TMEM132B: variants seen among roughly 807,000 people sequenced by gnomAD.
TMEM132B encodes the protein transmembrane protein 132B.
In TMEM132B, 18 loss-of-function variants were observed where a neutral mutation model predicts 90.8. The ratio of observed to expected loss-of-function variants is 0.20; its 90% CI spans 0.14 to 0.29. The LOEUF (loss-of-function observed/expected upper bound fraction) is 0.29, where lower values mean the gene tolerates loss of function less well. TMEM132B is among the 10% of genes least tolerant of loss of function. TMEM132B has a pLI of 1.00. For missense variants in TMEM132B, 1,096 were observed against 1,326.8 expected (o/e 0.83, Z 2.70); for synonymous variants, 504 against 523.3 (o/e 0.96, Z 0.50).
In TMEM132B at chr12:125,598,128, C is replaced by A. The variant is rs555035476; in HGVS notation, c.1437+14134C>A. Among the ~76,000 whole-genome samples, 4 of 152,210 alleles carry A rather than the reference C, an allele frequency of 2.6e-5. No homozygotes were observed. In the East Asian group the frequency reaches 5.8e-4, roughly 22 times the overall value. On this transcript the variant is annotated intron_variant, in intron 5 of 8. Transcript: ENST00000682704. ...TTTGATCAGAACCCTAGAAGGAAAC[C>A]CTGGCCCTCTAGAAATGTCGATAGC...
At position 125,242,128 on chromosome 12, in the gene TMEM132B, A is replaced by G. The variant is rs185390084; in HGVS notation, c.67+55262A>G. On this transcript the variant is annotated intron_variant, in intron 1 of 8. Transcript: ENST00000682704. ...CCTTTTTAATCCTCACATCATCTCCATGAACCCAGTCCTAGTATCACCCCC... is the reference window on the plus strand; with the variant it reads ...CCTTTTTAATCCTCACATCATCTCCGTGAACCCAGTCCTAGTATCACCCCC... Among the ~76,000 whole-genome samples, 57 of 152,294 alleles carry G rather than the reference A, an allele frequency of 3.7e-4. No homozygotes were observed. The South Asian group carries it at 5.6e-3, about 15-fold the overall frequency.
intron 1 of TMEM132B, among the ~76,000 whole-genome samples, chr12:125,299,879 G>T (rs1410107708): frequency 1.3e-5 from 2 of 152,342 alleles, no homozygotes; most frequent in Middle Eastern, 3.4e-3. Context: ...CACAGAGCTT[G>T]TGGGGTTCTG....
Position 125,251,654 on chromosome 12 carries a change from C to T in TMEM132B, c.67+64788C>T, listed in dbSNP as rs7316633. ...TCGGGGCTGCTGAGACAATAGGGAA[C>T]GGTGTGGACTCTGGCAAACTGGAGA... On this transcript the variant is annotated intron_variant, in intron 1 of 8. Transcript: ENST00000682704. This position sits in a 1 kb window ranked among gnomAD's most constrained non-coding sequence, Gnocchi z 4.4. Among the ~76,000 whole-genome samples, 145,036 of 152,234 alleles carry T rather than the reference C, an allele frequency of 0.95. 69,185 individuals are homozygous for T. The highest frequency in any genetic ancestry group is 1 in the East Asian group (5,183 of 5,184).
intron 4 of TMEM132B, among the ~76,000 whole-genome samples, chr12:125,581,461 G>C (rs1256693511): frequency 6.6e-6 from 1 of 152,104 alleles, no homozygotes; most frequent in Non-Finnish European, 1.5e-5. Context: ...CTTTGTTTGG[G>C]CTTCACTTGA....
intron 2 of TMEM132B, among the ~76,000 whole-genome samples, chr12:125,404,869 T>C (rs1452940643): frequency 6.6e-6 from 1 of 152,220 alleles, no homozygotes; most frequent in Non-Finnish European, 1.5e-5. Context: ...AGAATTTATT[T>C]ATTTTTATTT....
At chr12:125,566,832 CTTCTT>C (rs1884668368) in intron 4 of TMEM132B, among the ~76,000 whole-genome samples, 2 of 114,620 alleles carry the variant, frequency 1.7e-5, no homozygotes, top group East Asian at 2.8e-4. Context: ...TCCTCTTCTT[CTTCTT>C]TTTTTTTTTT....
intron 2 of TMEM132B, among the ~76,000 whole-genome samples, chr12:125,362,752 C>G (rs1444085552): frequency 6.6e-6 from 1 of 152,178 alleles, no homozygotes; most frequent in Non-Finnish European, 1.5e-5. Context: ...TCATCTATGA[C>G]TTTTTAAAAC....
chr12:125,639,314 C>A (rs1053222328), intron 5 of TMEM132B, among the ~76,000 whole-genome samples: 3 of 152,222 alleles, frequency 2.0e-5, no homozygotes, highest in African/African-American at 7.2e-5. Context: ...AAATCACTTT[C>A]ACTTTTCTTA....
At chr12:125,372,478 CTT>C (rs1878326433) in intron 2 of TMEM132B, among the ~76,000 whole-genome samples, 1 of 152,176 alleles carries the variant, frequency 6.6e-6, no homozygotes, top group Non-Finnish European at 1.5e-5. Flanking sequence ...TCTTCCAGTT[CTT>C]ATGCCCTATT....
chr12:125,535,292 G>C (rs142537595), intron 4 of TMEM132B, among the ~76,000 whole-genome samples: 76 of 152,208 alleles, frequency 5.0e-4, no homozygotes, highest in African/African-American at 1.7e-3. Context: ...TTTTCATTCT[G>C]TTAGTCTCAC....
At chr12:125,559,195 C>T (rs1884462118) in intron 4 of TMEM132B, among the ~76,000 whole-genome samples, 1 of 152,022 alleles carries the variant, frequency 6.6e-6, no homozygotes, top group African/African-American at 2.4e-5. Context: ...GTGAGACCCT[C>T]TCTCTACAAA....
rs79469599 is a variant in TMEM132B, at chr12:125,653,517, G to T, written c.2107-48G>T. The stretch of plus-strand genomic sequence containing the variant: ...GGAAATTATACTTATGTTTTCAAAT[G>T]TGAAGGAATCTGATTATAACATAAT... On this transcript the variant is annotated intron_variant, in intron 8 of 8. Coordinates refer to ENST00000682704, the MANE Select transcript of TMEM132B (RefSeq NM_001366854.1). 1.3e-4 allele frequency: 198 copies of T among 1,531,066 alleles called. 1 individual carries two copies. The African/African-American group carries it at 2.5e-3, about 19-fold the overall frequency. 94.8% of individuals were successfully genotyped at this position (1,531,066 alleles called of 1,614,324 possible). A position where few individuals can be genotyped will look rare whatever the true frequency, so the allele number is the denominator to read the frequency against.
intron 1 of TMEM132B, among the ~76,000 whole-genome samples, chr12:125,269,483 C>G (rs942275585): frequency 6.6e-6 from 1 of 152,206 alleles, no homozygotes; most frequent in Non-Finnish European, 1.5e-5. Flanking sequence ...TGGTAATTAG[C>G]TCTTTACCTG....
At chr12:125,444,817 G>A (rs1398108745) in intron 3 of TMEM132B, among the ~76,000 whole-genome samples, 2 of 152,112 alleles carry the variant, frequency 1.3e-5, no homozygotes, top group African/African-American at 2.4e-5. Context: ...AATCTGGTGG[G>A]CCTGATTGAT....
intron 1 of TMEM132B, among the ~76,000 whole-genome samples, chr12:125,212,537 A>T (rs1484062802): frequency 6.6e-6 from 1 of 152,086 alleles, no homozygotes; most frequent in Non-Finnish European, 1.5e-5. Context: ...TACTAAAAAT[A>T]CAAAAAATTA....
chr12:125,300,050 G>A (rs1225339408), intron 1 of TMEM132B, among the ~76,000 whole-genome samples: 1 of 152,206 alleles, frequency 6.6e-6, no homozygotes, highest in East Asian at 1.9e-4. Flanking sequence ...CCGCCACGGG[G>A]GCTTTGCACT....
At position 125,277,914 on chromosome 12, in the gene TMEM132B, C is replaced by T. The variant is rs1475976609; in HGVS notation, c.68-71538C>T. Among the ~76,000 whole-genome samples, 3 of 152,170 alleles carry T rather than the reference C, an allele frequency of 2.0e-5. No homozygotes were observed. The highest frequency in any genetic ancestry group is 4.4e-5 in the Non-Finnish European group (3 of 68,036). ...CTATTCACAGAGGGCCAGCATTCTC[C>T]GATGGGAAAAGTCTGGAACTCTGCA... On this transcript the variant is annotated intron_variant, in intron 1 of 8. Coordinates refer to ENST00000682704, the MANE Select transcript of TMEM132B (RefSeq NM_001366854.1). This position sits in a 1 kb window ranked among gnomAD's most constrained non-coding sequence, Gnocchi z 4.3.
intron 1 of TMEM132B, among the ~76,000 whole-genome samples, chr12:125,267,492 G>A (rs1300721621): frequency 1.3e-5 from 2 of 152,190 alleles, no homozygotes; most frequent in Non-Finnish European, 1.5e-5. Context: ...AAAGGAAGAA[G>A]GGGAGAAAGG....
At chr12:125,611,713 CAA>C (rs1021091910) in intron 5 of TMEM132B, among the ~76,000 whole-genome samples, 6 of 151,946 alleles carry the variant, frequency 3.9e-5, no homozygotes, top group Non-Finnish European at 8.8e-5. Flanking sequence ...GTTAATTTCT[CAA>C]GTTTATTTAT....
Sources: allele counts gnomAD v4.1 joint callset (sites outside exome capture counted in the v4.1 genomes callset), GRCh38; gene constraint gnomAD v4.1.1; non-coding constraint Gnocchi (gnomAD v3.1); transcripts MANE v1.5; gene names NCBI Gene and HGNC (gene_info 2026-07-23, HGNC 2026-07-21).